The following APBB2 variants were observed in gnomAD, a reference collection of about 807,000 sequenced individuals.
APBB2 encodes Fe65-like 1.
APBB2 carries 38 observed loss-of-function variants against 82.5 expected under a neutral mutation model. The observed-to-expected ratio is 0.46, with a 90% CI of 0.36 to 0.60. The LOEUF is 0.60. Ranked by LOEUF, APBB2 falls within the 20% of genes least tolerant of loss-of-function variation. The pLI is 0.00. For synonymous variants in APBB2, 341 were observed against 368.2 expected (o/e 0.93, Z 0.85); for missense variants, 772 against 972.3 (o/e 0.79, Z 2.74).
intron 1 of APBB2, among the ~76,000 whole-genome samples, chr4:41,153,072 C>A (rs1288570678): frequency 6.6e-6 from 1 of 152,124 alleles, no homozygotes; most frequent in African/African-American, 2.4e-5. Flanking sequence ...GCCCGTACCC[C>A]AAAAGCTTCA....
intron 17 of APBB2, among the ~76,000 whole-genome samples, chr4:40,817,227 G>C (rs1746055322): frequency 6.6e-6 from 1 of 152,018 alleles, no homozygotes; most frequent in Non-Finnish European, 1.5e-5. Context: ...GGGCAACATG[G>C]TGAAACCGTG....
chr4:40,938,015 A>T (rs934646470), intron 7 of APBB2, among the ~76,000 whole-genome samples: 4 of 152,250 alleles, frequency 2.6e-5, no homozygotes, highest in Non-Finnish European at 5.9e-5. Context: ...AGAGAAAAAC[A>T]TTAAAAGGGG....
intron 12 of APBB2, among the ~76,000 whole-genome samples, chr4:40,844,226 T>C (rs1479289433): frequency 6.6e-6 from 1 of 152,190 alleles, no homozygotes; most frequent in African/African-American, 2.4e-5. Flanking sequence ...TTACCCAACA[T>C]AGATTTCCAG....
chr4:40,895,157 C>T (rs929207909), intron 10 of APBB2, among the ~76,000 whole-genome samples: 4 of 151,958 alleles, frequency 2.6e-5, no homozygotes, highest in Non-Finnish European at 4.4e-5. Flanking sequence ...CGTTCCTGAG[C>T]GGATGATCAC....
intron 16 of APBB2, among the ~76,000 whole-genome samples, chr4:40,823,196 G>A (rs964648411): frequency 6.6e-6 from 1 of 152,166 alleles, no homozygotes; most frequent in Non-Finnish European, 1.5e-5. Flanking sequence ...CTTCAACCAC[G>A]AAACTGAGAT....
chr4:40,846,299 G>A (rs1181608700), intron 12 of APBB2, among the ~76,000 whole-genome samples: 7 of 122,600 alleles, frequency 5.7e-5, no homozygotes, highest in Non-Finnish European at 1.1e-4. Context: ...ACCTGTTTTG[G>A]ATCAAGGCCC....
At chr4:41,197,442 A>G in intron 1 of APBB2, among the ~76,000 whole-genome samples, 5 of 152,206 alleles carry the variant, frequency 3.3e-5, no homozygotes, top group Admixed American at 6.5e-5. Flanking sequence ...CACTGATCTA[A>G]GCACTCCAAG....
rs144167488 is a variant in APBB2 at position 41,011,035 on chromosome 4, T to C, written c.835+2548A>G. ...TCAGTATGTGTTATACTGTATTATATATGTTATACTATGACATAGATTAGT... is the reference window on the plus strand; with the variant it reads ...TCAGTATGTGTTATACTGTATTATACATGTTATACTATGACATAGATTAGT... On this transcript the variant is annotated intron_variant, in intron 6 of 17. Coordinates refer to ENST00000508593, the MANE Select transcript of APBB2 (RefSeq NM_004307.2). Among the ~76,000 whole-genome samples the C allele has an allele frequency of 6.6e-3, 1,008 of 152,204 alleles. 16 individuals are homozygous for C. Among genetic ancestry groups the C allele is most frequent in the African/African-American group, 0.022 (898 of 41,544 alleles).
chr4:40,865,975 C>T (rs140411433), intron 12 of APBB2, among the ~76,000 whole-genome samples: 5 of 152,296 alleles, frequency 3.3e-5, no homozygotes, highest in African/African-American at 9.6e-5. Flanking sequence ...GGTGAGGATG[C>T]GGAGCAACTG....
At chr4:40,946,024 G>A (rs1034090555) in intron 6 of APBB2, among the ~76,000 whole-genome samples, 3 of 151,978 alleles carry the variant, frequency 2.0e-5, no homozygotes, top group African/African-American at 7.2e-5. Flanking sequence ...CCTGAGGTCA[G>A]GAGTTTGAGA....
At chr4:41,178,634 A>C (rs1422448685) in intron 1 of APBB2, among the ~76,000 whole-genome samples, 1 of 152,194 alleles carries the variant, frequency 6.6e-6, no homozygotes, top group Non-Finnish European at 1.5e-5. Flanking sequence ...ATCACCATCT[A>C]ATATGGATGT....
intron 7 of APBB2, 105 bp from the exon 8 acceptor site, chr4:40,935,244 C>A: frequency 1.2e-6 from 1 of 836,290 alleles, no homozygotes; most frequent in South Asian, 1.7e-5. Flanking sequence ...CATTGATATT[C>A]ACAAGATGGG....
At chr4:40,932,014 C>T (rs188871507) in intron 10 of APBB2, among the ~76,000 whole-genome samples, 67 of 152,190 alleles carry the variant, frequency 4.4e-4, no homozygotes, top group African/African-American at 1.6e-3. Flanking sequence ...AAAAAGGTGG[C>T]AGATAAAGAA....
rs763537039 is a variant in APBB2, at chr4:40,827,230, A to G, written c.1645-11T>C. On this transcript the variant is annotated splice_polypyrimidine_tract_variant and intron_variant, in intron 13 of 17. Coordinates refer to ENST00000508593, the MANE Select transcript of APBB2 (RefSeq NM_004307.2). Reference sequence around the variant, plus strand: ...CCGTTCAGCCATAATCTAAGGGGGAAAAAGTGCAGCTTTGGAGCGTGGGTT... The same window carrying G: ...CCGTTCAGCCATAATCTAAGGGGGAGAAAGTGCAGCTTTGGAGCGTGGGTT... The G allele has an allele frequency of 6.2e-6, 10 of 1,613,724 alleles. No homozygotes were observed. In the Admixed American group the frequency reaches 8.3e-5, roughly 13 times the overall value.
At chr4:40,907,986 GTGTGTGTGTA>G (rs1241670621) in intron 10 of APBB2, among the ~76,000 whole-genome samples, 1 of 140,858 alleles carries the variant, frequency 7.1e-6, no homozygotes, top group Admixed American at 6.7e-5. Context: ...TGTGTGGTGT[GTGTGTGTGTA>G]TGTGTGTATG....
chr4:40,878,983 T>G (rs1359820193), intron 12 of APBB2, among the ~76,000 whole-genome samples: 13 of 152,136 alleles, frequency 8.5e-5, no homozygotes, highest in Admixed American at 8.5e-4. Context: ...AATTCTTGTC[T>G]TTGATTTCCT....
intron 12 of APBB2, among the ~76,000 whole-genome samples, chr4:40,860,706 C>T (rs907152937): frequency 1.3e-5 from 2 of 152,258 alleles, no homozygotes; most frequent in East Asian, 1.9e-4. Flanking sequence ...GTTGTATTTT[C>T]GGCAGTAAGC....
At chr4:41,049,471 GC>G (rs1301582263) in intron 4 of APBB2, among the ~76,000 whole-genome samples, 1 of 146,932 alleles carries the variant, frequency 6.8e-6, no homozygotes, top group African/African-American at 2.5e-5. Flanking sequence ...GTGGGGGGCA[GC>G]CCCCGCCCGG....
At chr4:41,031,134 A>T (rs1193474700) in intron 5 of APBB2, among the ~76,000 whole-genome samples, 2 of 152,226 alleles carry the variant, frequency 1.3e-5, no homozygotes, top group Non-Finnish European at 2.9e-5. Context: ...CTGAGGCAGG[A>T]GAATCGCTTG....
Sources: allele counts gnomAD v4.1 joint callset (sites outside exome capture counted in the v4.1 genomes callset), GRCh38; gene constraint gnomAD v4.1.1; transcripts MANE v1.5; gene names NCBI Gene and HGNC (gene_info 2026-07-23, HGNC 2026-07-21).